BRINP2: variants seen among roughly 807,000 people sequenced by gnomAD.
The protein encoded by BRINP2 is BMP/retinoic acid-inducible neural-specific protein 2.
In BRINP2, 21 loss-of-function variants were observed where a neutral mutation model predicts 69.2. That is an observed-to-expected ratio of 0.30 (90% CI 0.22 to 0.44). BRINP2 has a LOEUF of 0.44. BRINP2 is among the 20% of genes least tolerant of loss of function. The probability of loss-of-function intolerance (pLI) is 1.00; values close to 1 mark genes in which losing one functional copy is unlikely to be tolerated. For missense variants in BRINP2, 877 were observed against 986.0 expected (o/e 0.89, Z 1.48); for synonymous variants, 380 against 394.1 (o/e 0.96, Z 0.42).
intron 1 of BRINP2, among the ~76,000 whole-genome samples, chr1:177,183,495 C>A (rs949467177): frequency 3.9e-5 from 6 of 151,960 alleles, no homozygotes; most frequent in Non-Finnish European, 8.8e-5. Context: ...GCAGATCTGC[C>A]CCACGTAGGA....
At chr1:177,176,956 C>A (rs1309893062) in intron 1 of BRINP2, among the ~76,000 whole-genome samples, 5 of 152,156 alleles carry the variant, frequency 3.3e-5, no homozygotes, top group Non-Finnish European at 5.9e-5. Context: ...AGGGTGAGGA[C>A]ACAATAGTGG....
At chr1:177,247,056 A>G (rs1319636990) in intron 2 of BRINP2, among the ~76,000 whole-genome samples, 2 of 152,230 alleles carry the variant, frequency 1.3e-5, no homozygotes, top group Non-Finnish European at 2.9e-5. Context: ...GGCTTTGGCT[A>G]TTCTTGTTCA....
chr1:177,234,069 T>A (rs1007400870), intron 2 of BRINP2, among the ~76,000 whole-genome samples: 9 of 152,314 alleles, frequency 5.9e-5, no homozygotes, highest in Admixed American at 3.9e-4. Flanking sequence ...CTCAGATCCA[T>A]CTCTTAATAG....
At chr1:177,232,516 T>C (rs951258243) in intron 2 of BRINP2, among the ~76,000 whole-genome samples, 1 of 152,162 alleles carries the variant, frequency 6.6e-6, no homozygotes, top group African/African-American at 2.4e-5. Flanking sequence ...AGAGAGAGGA[T>C]AGTCACACAC....
intron 1 of BRINP2, among the ~76,000 whole-genome samples, chr1:177,213,694 C>T (rs1458633806): frequency 6.6e-6 from 1 of 152,106 alleles, no homozygotes; most frequent in African/African-American, 2.4e-5. Flanking sequence ...TCAGCATGGT[C>T]TTCTTGATGT....
At position 177,281,265 on chromosome 1, in the gene BRINP2, A is replaced by C. The variant is rs199835870; in HGVS notation, c.2089A>C (p.Ile697Leu). 19 of 1,614,150 alleles carry C rather than the reference A, an allele frequency of 1.2e-5. No individual in the cohort carries two copies. In the African/African-American group the frequency reaches 1.7e-4, roughly 15 times the overall value. Residue 697 changes from isoleucine (I) to leucine (L), a missense_variant, in exon 8 of 8, where the codon ATC becomes CTC. Ile to Leu is a conservative substitution (Grantham distance 5). Coordinates refer to ENST00000361539, the MANE Select transcript of BRINP2 (RefSeq NM_021165.4). ...CAGCCTGCCCTTTGACCCAGATGCT[A>C]TCCGGGACTTAATTCTCCAGTTGGA... ...GYSLPFDPDA[I>L]RDLILQLDYP...
At chr1:177,267,636 A>T (rs942129638) in intron 4 of BRINP2, among the ~76,000 whole-genome samples, 1 of 152,146 alleles carries the variant, frequency 6.6e-6, no homozygotes, top group Admixed American at 6.5e-5. Context: ...CATAGTTTTC[A>T]ATTCTCTTGA....
intron 4 of BRINP2, among the ~76,000 whole-genome samples, chr1:177,262,545 A>C (rs1035983899): frequency 2.0e-5 from 3 of 151,778 alleles, no homozygotes; most frequent in Admixed American, 6.6e-5. Context: ...AGAGGGAGAA[A>C]GTGATGATGT....
intron 1 of BRINP2, among the ~76,000 whole-genome samples, chr1:177,197,302 C>A (rs12076969): frequency 0.12 from 18,613 of 151,970 alleles, 2,012 homozygotes; most frequent in African/African-American, 0.28. Context: ...ACAACCAAAT[C>A]TTGCAAGAAC....
chr1:177,175,288 G>T (rs1648055529), intron 1 of BRINP2, among the ~76,000 whole-genome samples: 1 of 144,894 alleles, frequency 6.9e-6, no homozygotes, highest in African/African-American at 2.9e-5. Context: ...GGAAAAGCGG[G>T]GTGGGGGGGG....
At chr1:177,256,866 G>A (rs1650778828) in intron 3 of BRINP2, 3 of 1,198,924 alleles carry the variant, frequency 2.5e-6, no homozygotes, top group Admixed American at 3.6e-5. Flanking sequence ...AACAACTTGA[G>A]AGAGAGAATT....
intron 2 of BRINP2, 41 bp downstream of exon 2, chr1:177,230,186 A>C: frequency 6.4e-7 from 1 of 1,555,058 alleles, no homozygotes; most frequent in South Asian, 1.2e-5. Context: ...TTCCCTAAGA[A>C]CCCAACCTGC....
chr1:177,231,913 T>A (rs573548027), intron 2 of BRINP2, among the ~76,000 whole-genome samples: 120 of 152,210 alleles, frequency 7.9e-4, no homozygotes, highest in Non-Finnish European at 1.4e-3. Flanking sequence ...ATCTCAAAGA[T>A]GCCTCCCTAC....
chr1:177,261,500 G>A (rs988569384), intron 4 of BRINP2, among the ~76,000 whole-genome samples: 7 of 152,198 alleles, frequency 4.6e-5, no homozygotes, highest in Non-Finnish European at 8.8e-5. Flanking sequence ...TACTGAGAAG[G>A]ACAACACTGG....
At chr1:177,195,493 C>T (rs906970059) in intron 1 of BRINP2, among the ~76,000 whole-genome samples, 1 of 150,356 alleles carries the variant, frequency 6.7e-6, no homozygotes, top group Non-Finnish European at 1.5e-5. Flanking sequence ...ATTTTTCTCC[C>T]TCTTCTGTGA....
chr1:177,226,922 A>G (rs1649709850), intron 1 of BRINP2, among the ~76,000 whole-genome samples: 1 of 152,148 alleles, frequency 6.6e-6, no homozygotes, highest in African/African-American at 2.4e-5. Context: ...CAGAAGCTTG[A>G]CGCTTCACTG....
intron 1 of BRINP2, among the ~76,000 whole-genome samples, chr1:177,194,515 T>C (rs1648683871): frequency 6.6e-6 from 1 of 152,152 alleles, no homozygotes; most frequent in South Asian, 2.1e-4. Context: ...AGATGAGAAA[T>C]GTTCATTTGC....
rs1647918228 is a variant in BRINP2 at position 177,171,204 on chromosome 1, C to T, written c.-605C>T. On this transcript the variant is annotated 5_prime_UTR_variant, in exon 1 of 8. Transcript: ENST00000361539. ...GTGAAGCCGGAAGACCTGTCTCTGC[C>T]CATGTGCAAGGCAGTGATTTCGGGT... Among the ~76,000 whole-genome samples, 1 of 152,310 alleles carries T rather than the reference C, an allele frequency of 6.6e-6. No individual in the cohort carries two copies. The highest frequency in any genetic ancestry group is 6.5e-5 in the Admixed American group (1 of 15,292).
At chr1:177,230,913 T>G (rs111484588) in intron 2 of BRINP2, among the ~76,000 whole-genome samples, 1 of 152,362 alleles carries the variant, frequency 6.6e-6, no homozygotes, top group Non-Finnish European at 1.5e-5. Context: ...TTCCCCTTAC[T>G]TGTATCTTTA....
Sources: gnomAD v4.1 joint callset for allele counts (sites outside exome capture counted in the v4.1 genomes callset) on GRCh38, gnomAD v4.1.1 for gene constraint, MANE v1.5 for transcripts, NCBI Gene and HGNC (gene_info 2026-07-23, HGNC 2026-07-21) for gene names.